HYDIN: variants seen among roughly 807,000 people sequenced by gnomAD.
The protein encoded by HYDIN is axonemal central pair apparatus protein HYDIN.
A neutral mutation model predicts 403.9 loss-of-function variants in HYDIN; 132 were observed. That is an observed-to-expected ratio of 0.33 (90% CI 0.28 to 0.38). The LOEUF is 0.38. Ranked by LOEUF, HYDIN falls within the 10% of genes least tolerant of loss-of-function variation. The pLI, the probability that HYDIN is intolerant of heterozygous loss-of-function variation, is 1.00. For synonymous variants in HYDIN, 1,202 were observed against 1,891.7 expected, an observed-to-expected ratio of 0.64 and a Z score of 9.46; for missense variants, 2,827 against 5,009.5, an observed-to-expected ratio of 0.56 and a Z score of 13.15.
intron 1 of HYDIN, chr16:71,203,727 A>G (rs1350923378): frequency 4.4e-6 from 2 of 456,030 alleles, no homozygotes; most frequent in Admixed American, 2.3e-5. Context: ...GCACATACCA[A>G]TGTCTTTGCA....
intron 23 of HYDIN, among the ~76,000 whole-genome samples, chr16:70,993,499 G>C (rs2079426323): frequency 6.6e-6 from 1 of 152,190 alleles, no homozygotes; most frequent in South Asian, 2.1e-4. Flanking sequence ...ATTTGTCCAT[G>C]TTTTTGCATG....
At chr16:71,054,121 CATT>C (rs1393506815) in intron 18 of HYDIN, among the ~76,000 whole-genome samples, 2 of 152,248 alleles carry the variant, frequency 1.3e-5, no homozygotes, top group Non-Finnish European at 2.9e-5. Context: ...GCATGAATCA[CATT>C]AACACAAGAG....
intron 18 of HYDIN, among the ~76,000 whole-genome samples, chr16:71,049,260 C>G (rs1389511405): frequency 6.6e-6 from 1 of 152,234 alleles, no homozygotes; most frequent in Non-Finnish European, 1.5e-5. Context: ...CCTGCTAAGA[C>G]AGCCTCCCCG....
intron 1 of HYDIN, among the ~76,000 whole-genome samples, chr16:71,210,101 C>A (rs2088505686): frequency 6.6e-6 from 1 of 152,134 alleles, no homozygotes. Context: ...ATCAGTGTGG[C>A]AATTCCTCAA....
At chr16:71,226,910 T>G (rs1344320178) in intron 1 of HYDIN, among the ~76,000 whole-genome samples, 1 of 152,158 alleles carries the variant, frequency 6.6e-6, no homozygotes, top group Non-Finnish European at 1.5e-5. Context: ...AGTGAGACAA[T>G]TTGAGACTAT....
intron 52 of HYDIN, among the ~76,000 whole-genome samples, chr16:70,902,821 A>ATATATTTTTTTT: frequency 3.0e-4 from 14 of 47,292 alleles, no homozygotes; most frequent in African/African-American, 1.1e-3. Flanking sequence ...ATATATATAT[A>ATATATTTTTTTT]TTTTTTTTTT....
chr16:71,172,356 TTTTC>T (rs2086499959), intron 5 of HYDIN, among the ~76,000 whole-genome samples: 1 of 152,198 alleles, frequency 6.6e-6, no homozygotes, highest in Non-Finnish European at 1.5e-5. Flanking sequence ...AGCCTAATAT[TTTTC>T]TTTCTCATTT....
At chr16:71,077,579 A>G (rs1183473370) in intron 13 of HYDIN, among the ~76,000 whole-genome samples, 3 of 151,952 alleles carry the variant, frequency 2.0e-5, no homozygotes, top group African/African-American at 4.8e-5. Context: ...TCAACTACTT[A>G]TCTTTTATTT....
At chr16:71,218,916 C>A (rs929073507) in intron 1 of HYDIN, among the ~76,000 whole-genome samples, 1 of 152,178 alleles carries the variant, frequency 6.6e-6, no homozygotes, top group Non-Finnish European at 1.5e-5. Flanking sequence ...TATTCCAAAG[C>A]ATTGCAAGAC....
In HYDIN at chr16:71,186,904, A is replaced by T; in HGVS notation, c.-9T>A. 1 of 1,597,384 alleles carries T rather than the reference A, an allele frequency of 6.3e-7. No individual in the cohort carries two copies. Among genetic ancestry groups the T allele is most frequent in the South Asian group, 1.1e-5 (1 of 88,134 alleles). ...AGTCTTCTACTTGTCATTTTTAGTA[A>T]TTTTTTTTTCTCACCTAAGAGTGAA... On this transcript the variant is annotated 5_prime_UTR_variant, in exon 2 of 86. Transcript: ENST00000393567.
chr16:71,216,502 T>G (rs1199252509), intron 1 of HYDIN, among the ~76,000 whole-genome samples: 1 of 152,108 alleles, frequency 6.6e-6, no homozygotes, highest in African/African-American at 2.4e-5. Flanking sequence ...ACCTCTGAGG[T>G]GGGGAAGAGG....
At chr16:71,114,327 A>C (rs1308690995) in intron 10 of HYDIN, among the ~76,000 whole-genome samples, 8 of 148,732 alleles carry the variant, frequency 5.4e-5, no homozygotes, top group Non-Finnish European at 7.4e-5. Context: ...TATTAGTATC[A>C]TTATTTTGAT....
At chr16:71,068,676 C>T (rs371488046) in intron 14 of HYDIN, among the ~76,000 whole-genome samples, 2,822 of 152,060 alleles carry the variant, frequency 0.019, 70 homozygotes, top group African/African-American at 0.062. Flanking sequence ...CACTGTGAGG[C>T]GATAACCAAG....
intron 18 of HYDIN, among the ~76,000 whole-genome samples, chr16:71,041,763 G>C (rs1174139310): frequency 6.6e-6 from 1 of 151,578 alleles, no homozygotes; most frequent in East Asian, 1.9e-4. Context: ...ACTTCTGTTT[G>C]TTCTATAAAG....
Position 70,901,220 on chromosome 16 carries a change from A to T in HYDIN, c.8850-18T>A, listed in dbSNP as rs1271656453. On this transcript the variant is annotated intron_variant, in intron 52 of 85. Transcript: ENST00000393567. The stretch of plus-strand genomic sequence containing the variant: ...ATTCCTGTCTGCAGAGACAAAAGGA[A>T]AGTTGCAATTTCATTTCAAATTTTG... 2.4e-6 allele frequency: 3 copies of T among 1,263,466 alleles called. No individual in the cohort carries two copies. The highest frequency in any genetic ancestry group is 2.7e-5 in the South Asian group (2 of 74,784). 78.3% of individuals were successfully genotyped at this position (1,263,466 alleles called of 1,614,324 possible).
intron 4 of HYDIN, among the ~76,000 whole-genome samples, chr16:71,178,511 G>A (rs1179685848): frequency 6.8e-6 from 1 of 146,352 alleles, no homozygotes; most frequent in Non-Finnish European, 1.5e-5. Context: ...ATATATATAT[G>A]CTCAACAATT....
At chr16:70,872,930 C>T (rs1228060158) in intron 64 of HYDIN, among the ~76,000 whole-genome samples, 5 of 135,062 alleles carry the variant, frequency 3.7e-5, no homozygotes, top group African/African-American at 5.8e-5. Context: ...CATCATCCAC[C>T]TACCCACTCA....
chr16:71,226,511 C>T (rs2041040805), intron 1 of HYDIN, among the ~76,000 whole-genome samples: 1 of 152,160 alleles, frequency 6.6e-6, no homozygotes, highest in South Asian at 2.1e-4. Flanking sequence ...AATCTTGTTA[C>T]CTTGTGTTAG....
chr16:71,184,427 G>C (rs1490069140), intron 3 of HYDIN, among the ~76,000 whole-genome samples: 1 of 152,054 alleles, frequency 6.6e-6, no homozygotes, highest in Non-Finnish European at 1.5e-5. Flanking sequence ...GAGACAAAAG[G>C]ATATGTCTGT....
Sources: gnomAD v4.1 joint callset for allele counts (sites outside exome capture counted in the v4.1 genomes callset) on GRCh38, gnomAD v4.1.1 for gene constraint, MANE v1.5 for transcripts, NCBI Gene and HGNC (gene_info 2026-07-23, HGNC 2026-07-21) for gene names.